Variants in FKBP1B observed in about 807,000 individuals in gnomAD.
FKBP1B encodes FKBP prolyl isomerase 1B.
A neutral mutation model predicts 13.5 loss-of-function variants in FKBP1B; 4 were observed. The observed-to-expected ratio is 0.30, with a 90% CI of 0.15 to 0.68. The LOEUF is 0.68. FKBP1B is among the 30% of genes least tolerant of loss of function. The pLI is 0.76. For missense variants in FKBP1B, 93 were observed against 136.2 expected (o/e 0.68, Z 1.58); for synonymous variants, 54 against 53.6 (o/e 1.01, Z -0.03).
chr2:24,044,198 G>A, the FKBP1B span, among the ~76,000 whole-genome samples: 3 of 152,042 alleles, frequency 2.0e-5, no homozygotes, highest in East Asian at 5.8e-4. Flanking sequence ...CAATGAGGGT[G>A]TGTGTGGCCA....
the FKBP1B span, chr2:24,039,371 G>A: frequency 1.2e-6 from 2 of 1,614,250 alleles, no homozygotes; most frequent in South Asian, 2.2e-5. Flanking sequence ...TCTCCACTGT[G>A]AAGCCGCAAA....
the FKBP1B span, chr2:24,039,417 A>G: frequency 3.1e-6 from 5 of 1,614,268 alleles, no homozygotes; most frequent in Non-Finnish European, 4.2e-6. Context: ...CGGTCCAGGC[A>G]AGGCCATGGA....
At chr2:24,039,190 G>T in the FKBP1B span, 1 of 1,614,094 alleles carries the variant, frequency 6.2e-7, no homozygotes, top group South Asian at 1.1e-5. Context: ...AGTCTGAGAC[G>T]TCAGCCATTT....
At chr2:24,043,736 C>T in the FKBP1B span, among the ~76,000 whole-genome samples, 5 of 152,302 alleles carry the variant, frequency 3.3e-5, no homozygotes, top group East Asian at 9.6e-4. Flanking sequence ...CCTTGTTTTA[C>T]TGAGTAAGTG....
At chr2:24,040,091 G>A in the FKBP1B span, among the ~76,000 whole-genome samples, 24 of 152,016 alleles carry the variant, frequency 1.6e-4, no homozygotes, top group South Asian at 2.1e-4. Context: ...ATGAGCTCCC[G>A]CGCCCGGCCA....
chr2:24,033,213 C>T, the FKBP1B span: 1 of 550,762 alleles, frequency 1.8e-6, no homozygotes, highest in Non-Finnish European at 3.6e-6. Flanking sequence ...CAACTAATAA[C>T]ACTAAAAGGA....
chr2:24,053,864 T>A, intron 1 of FKBP1B, 38 bp from the exon 2 acceptor site: 1 of 1,605,528 alleles, frequency 6.2e-7, no homozygotes, highest in Non-Finnish European at 8.5e-7. Context: ...GTTTTTCCAA[T>A]ATCCTACTCC....
chr2:24,062,987 A>G, intron 3 of FKBP1B, 77 bp from the exon 4 acceptor site: 1 of 1,609,788 alleles, frequency 6.2e-7, no homozygotes, highest in South Asian at 1.1e-5. Flanking sequence ...GGAAAATGCC[A>G]TAGTCATCTA....
chr2:24,038,919 G>A, the FKBP1B span: 1 of 1,614,238 alleles, frequency 6.2e-7, no homozygotes, highest in Non-Finnish European at 8.5e-7. Flanking sequence ...AGGAGCACCT[G>A]TGAAGAGTCT....
chr2:24,041,709 T>G, the FKBP1B span, among the ~76,000 whole-genome samples: 1 of 150,674 alleles, frequency 6.6e-6, no homozygotes, highest in Non-Finnish European at 1.5e-5. Context: ...AAAAATTAGC[T>G]GGGCTCGGTG....
chr2:24,045,631 G>GAGAGAGGAAGGA (rs1553318652), upstream of FKBP1B, among the ~76,000 whole-genome samples: 76 of 106,134 alleles, frequency 7.2e-4, no homozygotes, highest in South Asian at 2.1e-3. Context: ...GAGAGAGAGA[G>GAGAGAGGAAGGA]AGGAAGGAAG....
intron 1 of FKBP1B, among the ~76,000 whole-genome samples, chr2:24,051,106 C>T (rs373781094): frequency 2.6e-5 from 4 of 152,118 alleles, no homozygotes; most frequent in African/African-American, 7.2e-5. Flanking sequence ...GAGGCTGAGG[C>T]GGGCGGATCA....
chr2:24,048,470 CAAAA>C (rs11367799), upstream of FKBP1B, among the ~76,000 whole-genome samples: 2 of 87,038 alleles, frequency 2.3e-5, no homozygotes, highest in Non-Finnish European at 2.3e-5. Flanking sequence ...GATTCTGTCT[CAAAA>C]AAAAAAAAAA....
chr2:24,055,474 C>G (rs1664085255), intron 2 of FKBP1B, among the ~76,000 whole-genome samples: 1 of 152,154 alleles, frequency 6.6e-6, no homozygotes, highest in Admixed American at 6.5e-5. Context: ...CCTCCTAGTG[C>G]TGGGATTACA....
chr2:24,052,955 AC>A (rs1241372090), intron 1 of FKBP1B, among the ~76,000 whole-genome samples: 1 of 152,036 alleles, frequency 6.6e-6, no homozygotes, highest in East Asian at 1.9e-4. Context: ...CCTGGGTGAC[AC>A]ACTGAGACCC....
Position 24,063,458 on chromosome 2 carries a change from GACAGAACACAGATCTC to G in FKBP1B, c.*267_*282del. On this transcript the variant is annotated 3_prime_UTR_variant, in exon 4 of 4. Coordinates refer to ENST00000380986, the MANE Select transcript of FKBP1B (RefSeq NM_004116.5). ...GATGCATGTAGTAGCCTTTCCTGAT[GACAGAACACAGATCTC>G]TTGTTCGCACAATCTACACTGCCTT... The G allele has an allele frequency of 6.2e-4, 262 of 423,722 alleles. No individual in the cohort carries two copies. Among genetic ancestry groups the G allele is most frequent in the South Asian group, 2.3e-3 (53 of 22,670 alleles). 26.2% of individuals were successfully genotyped at this position (423,722 alleles called of 1,614,324 possible). A position where few individuals can be genotyped will look rare whatever the true frequency, so the allele number is the denominator to read the frequency against.
chr2:24,046,668 T>G (rs1304030888), upstream of FKBP1B, among the ~76,000 whole-genome samples: 1 of 152,180 alleles, frequency 6.6e-6, no homozygotes, highest in Non-Finnish European at 1.5e-5. Context: ...TTTATTGTAT[T>G]TCCACTATAA....
the FKBP1B span, chr2:24,038,625 G>T: frequency 1.2e-6 from 2 of 1,614,160 alleles, no homozygotes; most frequent in East Asian, 2.2e-5. Flanking sequence ...TATGTTGATT[G>T]AAATGTATGT....
chr2:24,034,505 AC>A, the FKBP1B span, among the ~76,000 whole-genome samples: 3 of 152,118 alleles, frequency 2.0e-5, no homozygotes, highest in Non-Finnish European at 4.4e-5. Flanking sequence ...AGAGATAACT[AC>A]TGACAACAGC....
Sources: gnomAD v4.1 joint callset for allele counts (sites outside exome capture counted in the v4.1 genomes callset) on GRCh38, gnomAD v4.1.1 for gene constraint, MANE v1.5 for transcripts, NCBI Gene and HGNC (gene_info 2026-07-23, HGNC 2026-07-21) for gene names.